Variants in LYRM4 observed in about 807,000 individuals in gnomAD.
LYRM4 encodes LYR motif-containing protein 4.
A neutral mutation model predicts 11.7 loss-of-function variants in LYRM4; 9 were observed. The observed-to-expected ratio is 0.77, with a 90% CI of 0.46 to 1.34. The LOEUF (loss-of-function observed/expected upper bound fraction) is 1.34, where lower values mean the gene tolerates loss of function less well. Ranked by LOEUF, LYRM4 falls within the 40% of genes most tolerant of loss-of-function variation. LYRM4 has a pLI of 0.00. For synonymous variants in LYRM4, 42 were observed against 40.4 expected (o/e 1.04, Z -0.15); for missense variants, 133 against 112.5 (o/e 1.18, Z -0.82).
intron 2 of LYRM4, among the ~76,000 whole-genome samples, chr6:5,153,840 C>T (rs144715273): frequency 2.7e-4 from 41 of 152,198 alleles, no homozygotes; most frequent in African/African-American, 9.9e-4. Flanking sequence ...CAATGAAAGA[C>T]TCTAATAATT....
chr6:5,242,256 T>A lies in LYRM4; in HGVS notation c.86+18392A>T, dbSNP rs550062391. Among the ~76,000 whole-genome samples, 30 of 151,876 alleles carry A rather than the reference T, an allele frequency of 2.0e-4. 1 individual carries two copies. The South Asian group carries it at 5.8e-3, about 30-fold the overall frequency. ...CCTGGCTAATTTTTTGTATTTTTAG[T>A]AAAGATGGGGTTTCACTATGTTAGC... On this transcript the variant is annotated intron_variant, in intron 1 of 2. Transcript: ENST00000330636.
the LYRM4 span, among the ~76,000 whole-genome samples, chr6:5,062,709 C>T: frequency 6.6e-6 from 1 of 152,152 alleles, no homozygotes; most frequent in African/African-American, 2.4e-5. Flanking sequence ...CAGTTTTCCA[C>T]CTCCCCAGGA....
chr6:5,066,623 C>T, the LYRM4 span: 1 of 1,205,608 alleles, frequency 8.3e-7, no homozygotes, highest in Non-Finnish European at 1.2e-6. Flanking sequence ...CAAGGGCAAC[C>T]ACTTTGGCAC....
the LYRM4 span, among the ~76,000 whole-genome samples, chr6:5,035,516 G>C: frequency 8.1e-6 from 1 of 123,990 alleles, no homozygotes; most frequent in Admixed American, 8.7e-5. Context: ...GCTGCTTCAA[G>C]GCAAGGCTCT....
intron 2 of LYRM4, among the ~76,000 whole-genome samples, chr6:5,214,634 A>G (rs1041243466): frequency 2.8e-4 from 43 of 152,182 alleles, no homozygotes; most frequent in African/African-American, 1.0e-3. Context: ...GTTACAGAGA[A>G]CAGTGTGCAA....
At position 5,195,158 on chromosome 6, in the gene LYRM4, G is replaced by T. The variant is rs1192590379; in HGVS notation, c.207+21460C>A. Among the ~76,000 whole-genome samples, 5 of 152,250 alleles carry T rather than the reference G, an allele frequency of 3.3e-5. No individual in the cohort carries two copies. The South Asian group carries it at 1.0e-3, about 32-fold the overall frequency. ...TACCTTTCATTCTTGCAGCTCACAG[G>T]ACGGCCCTGCAAAATCTTGAAGTTT... On this transcript the variant is annotated intron_variant, in intron 2 of 2. Transcript: ENST00000330636.
At chr6:5,254,200 T>C (rs1764565954) in intron 1 of LYRM4, among the ~76,000 whole-genome samples, 1 of 152,218 alleles carries the variant, frequency 6.6e-6, no homozygotes, top group Non-Finnish European at 1.5e-5. Context: ...CTTGACTGCA[T>C]GTCACAAAAC....
chr6:5,219,226 A>C (rs1488279799), intron 1 of LYRM4, among the ~76,000 whole-genome samples: 1 of 152,198 alleles, frequency 6.6e-6, no homozygotes, highest in African/African-American at 2.4e-5. Flanking sequence ...GTTTAAGGAA[A>C]TGAGAAAATA....
the LYRM4 span, among the ~76,000 whole-genome samples, chr6:5,052,691 T>G: frequency 9.9e-3 from 1,512 of 152,332 alleles, 28 homozygotes; most frequent in African/African-American, 0.035. Context: ...ATGTACATAA[T>G]GCCACTGAAC....
At chr6:5,112,514 G>A (rs1056359732) in intron 2 of LYRM4, among the ~76,000 whole-genome samples, 15 of 152,208 alleles carry the variant, frequency 9.9e-5, no homozygotes, top group Non-Finnish European at 2.2e-4. Flanking sequence ...CAGAAAACCT[G>A]AAGGAGCCCT....
chr6:5,144,812 C>T, intron 2 of LYRM4, among the ~76,000 whole-genome samples: 1 of 152,132 alleles, frequency 6.6e-6, no homozygotes, highest in East Asian at 1.9e-4. Flanking sequence ...CCCGGCCTTC[C>T]CTGCAAACCT....
chr6:5,136,798 A>G, intron 2 of LYRM4: 1 of 985,438 alleles, frequency 1.0e-6, no homozygotes, highest in Non-Finnish European at 1.2e-6. Context: ...CTCCGCACAG[A>G]AGAAACTCTG....
intron 2 of LYRM4, among the ~76,000 whole-genome samples, chr6:5,133,334 C>T (rs202130577): frequency 6.6e-6 from 1 of 152,258 alleles, no homozygotes; most frequent in Non-Finnish European, 1.5e-5. Flanking sequence ...CTGACAGCGT[C>T]TGCTGTCTGA....
At chr6:5,053,213 G>A in the LYRM4 span, among the ~76,000 whole-genome samples, 6 of 152,046 alleles carry the variant, frequency 3.9e-5, no homozygotes, top group Non-Finnish European at 8.8e-5. Flanking sequence ...ACCAGAATGG[G>A]TTTTTATGTT....
At chr6:5,123,336 C>T in intron 2 of LYRM4, among the ~76,000 whole-genome samples, 1 of 152,172 alleles carries the variant, frequency 6.6e-6, no homozygotes, top group East Asian at 1.9e-4. Flanking sequence ...GAGGGTGGGA[C>T]ATGGGCAGTC....
At chr6:5,216,021 C>T (rs1248204733) in intron 2 of LYRM4, among the ~76,000 whole-genome samples, 1 of 152,190 alleles carries the variant, frequency 6.6e-6, no homozygotes, top group East Asian at 1.9e-4. Flanking sequence ...CATGCTCCAC[C>T]CACCTCATGA....
rs12202384 is a variant in LYRM4, at chr6:5,109,764, C to A, written c.208-273G>T. ...GCCTGGGACTCGGGGCTGTGCTGAG[C>A]TGGGTGACGCCTGCCTGCTGGTGGC... On this transcript the variant is annotated intron_variant, in intron 2 of 2. Coordinates refer to ENST00000330636, the MANE Select transcript of LYRM4 (RefSeq NM_020408.6). Among the ~76,000 whole-genome samples, 27,441 of 152,184 alleles carry A rather than the reference C, an allele frequency of 0.18. 2,691 individuals are homozygous for A. Among genetic ancestry groups the A allele is most frequent in the African/African-American group, 0.24 (9,890 of 41,510 alleles).
At chr6:5,202,717 C>T (rs1226750496) in intron 2 of LYRM4, among the ~76,000 whole-genome samples, 1 of 152,212 alleles carries the variant, frequency 6.6e-6, no homozygotes, top group Non-Finnish European at 1.5e-5. Flanking sequence ...CCTCCAAAGA[C>T]AGGGCTGTTA....
chr6:5,061,154 TTTTAC>T, the LYRM4 span, among the ~76,000 whole-genome samples: 1 of 152,222 alleles, frequency 6.6e-6, no homozygotes, highest in Non-Finnish European at 1.5e-5. Context: ...TGAGGGATTA[TTTTAC>T]TTTTAACTTC....
Sources: allele counts gnomAD v4.1 joint callset (sites outside exome capture counted in the v4.1 genomes callset), GRCh38; gene constraint gnomAD v4.1.1; transcripts MANE v1.5; gene names NCBI Gene and HGNC (gene_info 2026-07-23, HGNC 2026-07-21).